The following R3HDM4 variants were observed in gnomAD, a reference collection of about 807,000 sequenced individuals.
The protein encoded by R3HDM4 is R3H domain containing 4, also known as R3H domain-containing protein 4.
In R3HDM4, 30 loss-of-function variants were observed where a neutral mutation model predicts 31.3. The ratio of observed to expected loss-of-function variants is 0.96; its 90% CI spans 0.72 to 1.30. The LOEUF (loss-of-function observed/expected upper bound fraction) is 1.30, where lower values mean the gene tolerates loss of function less well. Among genes scored for constraint, R3HDM4 ranks in the 50% most tolerant of loss-of-function variants. The probability of loss-of-function intolerance (pLI) is 0.00; values close to 1 mark genes in which losing one functional copy is unlikely to be tolerated. For missense variants in R3HDM4, 444 were observed against 366.1 expected (o/e 1.21, Z -1.74); for synonymous variants, 196 against 156.6 (o/e 1.25, Z -1.88).
chr19:911,740 C>A (rs1485847213), intron 1 of R3HDM4, among the ~76,000 whole-genome samples: 1 of 152,150 alleles, frequency 6.6e-6, no homozygotes, highest in Non-Finnish European at 1.5e-5. Context: ...CCCCGGGTCC[C>A]TGTGCGGGCC....
Position 913,114 on chromosome 19 carries a change from T to C in R3HDM4, c.44A>G (p.Glu15Gly). 1 of 1,079,444 alleles carries C rather than the reference T, an allele frequency of 9.3e-7. No homozygotes were observed. The highest frequency in any genetic ancestry group is 4.9e-5 in the Admixed American group (1 of 20,486). The allele number at this position is 1,079,444 out of a possible 1,614,324, so 66.9% of individuals were successfully genotyped here. ...ENPECGPEAA[E>G]GTPGGRRLLP... ...CAGCCGCCGCCCGCCCGGGGTGCCC[T>C]CCGCCGCCTCCGGGCCGCACTCGGG... The change falls in exon 1 of 8, where the codon GAG becomes GGG. Residue 15 changes from glutamate to glycine, a missense_variant. By Grantham distance (98) the Glu-to-Gly change is moderately conservative. Coordinates refer to ENST00000361574, the MANE Select transcript of R3HDM4 (RefSeq NM_138774.4). The surrounding 1 kb of genome is among the most constrained non-coding windows in gnomAD (Gnocchi z 5.0).
chr19:902,458 T>C (rs1205915351), intron 1 of R3HDM4: 1 of 200,064 alleles, frequency 5.0e-6, no homozygotes, highest in Admixed American at 5.3e-5. Context: ...AAAAGACTTA[T>C]TTTTTTGTCT....
At position 899,528 on chromosome 19, in the gene R3HDM4, G is replaced by A. The variant is rs1363027956; in HGVS notation, c.648-33C>T. 6 of 1,613,090 alleles carry A rather than the reference G, an allele frequency of 3.7e-6. No individual in the cohort carries two copies. Among genetic ancestry groups the A allele is most frequent in the East Asian group, 2.2e-5 (1 of 44,882 alleles). On this transcript the variant is annotated intron_variant, in intron 6 of 7. Transcript: ENST00000361574. The surrounding 1 kb of genome is among the most constrained non-coding windows in gnomAD (Gnocchi z 6.8). ...GAACGGGCAGTGAGCGCCGTGCAGG[G>A]GCTGCAGCGTGGGGTGTCCGCCCAC...
chr19:900,171 C>A (rs778618754), intron 4 of R3HDM4, 25 bp from the exon 5 acceptor site: 1 of 1,539,356 alleles, frequency 6.5e-7, no homozygotes, highest in Non-Finnish European at 8.8e-7. Context: ...GAACAAGGGG[C>A]AGTCTTGGGG....
chr19:899,743 G>A lies in R3HDM4; in HGVS notation c.562-57C>T. The A allele has an allele frequency of 1.5e-6, 2 of 1,375,912 alleles. No homozygotes were observed. Among genetic ancestry groups the A allele is most frequent in the South Asian group, 1.4e-5 (1 of 70,270 alleles). The allele number at this position is 1,375,912 out of a possible 1,614,324, so 85.2% of individuals were successfully genotyped here. On this transcript the variant is annotated intron_variant, in intron 5 of 7. Transcript: ENST00000361574. The surrounding 1 kb of genome is among the most constrained non-coding windows in gnomAD (Gnocchi z 6.8). The stretch of plus-strand genomic sequence containing the variant: ...GCGGGACCTGTGGGTGGGGGGCCAG[G>A]GAGGTCCAGGGCCCCCAGGAGCCCA...
rs2036751783 is a variant in R3HDM4 at position 897,332 on chromosome 19, G to T, written c.*105C>A. 4.5e-6 allele frequency: 4 copies of T among 883,948 alleles called. No individual in the cohort carries two copies. Among genetic ancestry groups the T allele is most frequent in the African/African-American group, 1.7e-5 (1 of 58,512 alleles). 54.8% of individuals were successfully genotyped at this position (883,948 alleles called of 1,614,324 possible). A position where few individuals can be genotyped will look rare whatever the true frequency, so the allele number is the denominator to read the frequency against. On this transcript the variant is annotated 3_prime_UTR_variant, in exon 8 of 8. Coordinates refer to ENST00000361574, the MANE Select transcript of R3HDM4 (RefSeq NM_138774.4). The stretch of plus-strand genomic sequence containing the variant: ...GAGAGAGACCACCCCAAGCGAAAAA[G>T]GTTTCCGAGGACAAATTCTAAAAAT...
intron 1 of R3HDM4, among the ~76,000 whole-genome samples, chr19:903,193 A>C (rs2036858388): frequency 6.6e-6 from 1 of 151,684 alleles, no homozygotes; most frequent in South Asian, 2.1e-4. Flanking sequence ...CAGAGGAGCC[A>C]GAAAACAGCC....
In R3HDM4 at chr19:899,920, C is replaced by G. The variant is rs1252247046; in HGVS notation, c.561+141G>C. The G allele has an allele frequency of 6.4e-6, 6 of 931,896 alleles. No individual in the cohort carries two copies. In the African/African-American group the frequency reaches 6.6e-5, roughly 10 times the overall value. 57.7% of individuals were successfully genotyped at this position (931,896 alleles called of 1,614,324 possible). ...CCTTCGTTGCCCCCGCCCTCCTACT[C>G]AGGGCCCTGGTGCCGCTGTCTGTAT... is the stretch of plus-strand genomic sequence containing the variant. On this transcript the variant is annotated intron_variant, in intron 5 of 7. Transcript: ENST00000361574. The surrounding 1 kb of genome is among the most constrained non-coding windows in gnomAD (Gnocchi z 6.8).
At chr19:904,603 G>A (rs528737415) in intron 1 of R3HDM4, among the ~76,000 whole-genome samples, 1 of 152,080 alleles carries the variant, frequency 6.6e-6, no homozygotes, top group South Asian at 2.1e-4. Flanking sequence ...GGAAGGTGAG[G>A]AGGAAGGACA....
intron 1 of R3HDM4, among the ~76,000 whole-genome samples, chr19:903,057 C>CA (rs2036856885): frequency 6.6e-6 from 1 of 152,212 alleles, no homozygotes; most frequent in Admixed American, 6.5e-5. Context: ...CGCCCACCCC[C>CA]AACCCCAGTG....
intron 1 of R3HDM4, among the ~76,000 whole-genome samples, chr19:909,145 AGCT>A (rs904458791): frequency 2.6e-5 from 4 of 152,202 alleles, no homozygotes; most frequent in African/African-American, 7.2e-5. Flanking sequence ...CAAGCTGGGG[AGCT>A]GCTGGAGTTT....
intron 1 of R3HDM4, among the ~76,000 whole-genome samples, chr19:908,230 C>G (rs2145300480): frequency 6.6e-6 from 1 of 152,016 alleles, no homozygotes; most frequent in African/African-American, 2.4e-5. Flanking sequence ...AAAAAAACAT[C>G]TGGCCTCTGG....
intron 1 of R3HDM4, among the ~76,000 whole-genome samples, chr19:909,445 G>A (rs2036945530): frequency 6.6e-6 from 1 of 152,096 alleles, no homozygotes; most frequent in Non-Finnish European, 1.5e-5. Context: ...ACTGACGGCT[G>A]AGAGCGGAAA....
Position 913,051 on chromosome 19 carries a change from C to G in R3HDM4, c.71+36G>C, listed in dbSNP as rs1623302. The G allele has an allele frequency of 0.35, 308,144 of 880,182 alleles. 60,508 individuals carry two copies. Among genetic ancestry groups the G allele is most frequent in the East Asian group, 0.52 (5,281 of 10,150 alleles). 54.5% of individuals were successfully genotyped at this position (880,182 alleles called of 1,614,324 possible). ...CTCAGGGGAGGGAGCCCAGCCCGCC[C>G]CCGGCGCCCGCCGCGCCCCGCCCGC... On this transcript the variant is annotated intron_variant, in intron 1 of 7. Transcript: ENST00000361574. This position sits in a 1 kb window ranked among gnomAD's most constrained non-coding sequence, Gnocchi z 5.0.
chr19:907,141 G>A lies in R3HDM4; in HGVS notation c.72-5011C>T, dbSNP rs2036915812. Among the ~76,000 whole-genome samples, 1 of 152,156 alleles carries A rather than the reference G, an allele frequency of 6.6e-6. No homozygotes were observed. Among genetic ancestry groups the A allele is most frequent in the South Asian group, 2.1e-4 (1 of 4,830 alleles). ...TCATTATACAGATTTGTAAACCAAG[G>A]CACAAAGTCACCGCCCAAGCTCCCA... On this transcript the variant is annotated intron_variant, in intron 1 of 7. Transcript: ENST00000361574. This position sits in a 1 kb window ranked among gnomAD's most constrained non-coding sequence, Gnocchi z 4.1.
In R3HDM4 at chr19:902,107, G is replaced by A. The variant is rs781002071; in HGVS notation, c.95C>T (p.Ala32Val). 1 of 1,613,484 alleles carries A rather than the reference G, an allele frequency of 6.2e-7. No homozygotes were observed. Among genetic ancestry groups the A allele is most frequent in the Admixed American group, 1.7e-5 (1 of 60,026 alleles). The stretch of plus-strand genomic sequence containing the variant: ...TCTCTTCACCTGGGAGCTGGCTAGG[G>A]CAGGCAGGCAGCTGGGAAGGGGCCT... The part of the protein sequence containing the change: ...RLLPLPSCLP[A>V]LASSQVKRLS... Residue 32 changes from alanine to valine, a missense_variant, in exon 2 of 8, where the codon GCC (alanine) becomes GTC (valine). Transcript: ENST00000361574.
chr19:913,012 G>GGGGAA lies in R3HDM4; in HGVS notation c.71+74_71+75insTTCCC. The stretch of plus-strand genomic sequence containing the variant: ...AGGGAAGGGAAAGGAGGGGAGGGGA[G>GGGGAA]GCGGGGAGAGGATCTCAGGGGAGGG... On this transcript the variant is annotated intron_variant, in intron 1 of 7. Transcript: ENST00000361574. The surrounding 1 kb of genome is among the most constrained non-coding windows in gnomAD (Gnocchi z 5.0). 1.9e-6 allele frequency: 1 copy of GGGGAA among 523,168 alleles called. No homozygotes were observed. The highest frequency in any genetic ancestry group is 2.5e-6 in the Non-Finnish European group (1 of 398,212). The allele number at this position is 523,168 out of a possible 1,614,324, so 32.4% of individuals were successfully genotyped here. A position where few individuals can be genotyped will look rare whatever the true frequency, so the allele number is the denominator to read the frequency against.
chr19:899,364 C>G lies in R3HDM4; in HGVS notation c.703+76G>C. 6.8e-7 allele frequency: 1 copy of G among 1,477,664 alleles called. No individual in the cohort carries two copies. Among genetic ancestry groups the G allele is most frequent in the Non-Finnish European group, 9.4e-7 (1 of 1,058,850 alleles). 91.5% of individuals were successfully genotyped at this position (1,477,664 alleles called of 1,614,324 possible). A position where few individuals can be genotyped will look rare whatever the true frequency, so the allele number is the denominator to read the frequency against. ...CCCCACCAAGCCCCACTCTGAGGAA[C>G]CAGGCCCCTGGGACCCTGGCCACTT... On this transcript the variant is annotated intron_variant, in intron 7 of 7. Coordinates refer to ENST00000361574, the MANE Select transcript of R3HDM4 (RefSeq NM_138774.4). The surrounding 1 kb of genome is among the most constrained non-coding windows in gnomAD (Gnocchi z 6.8).
rs1482587655 is a variant in R3HDM4, at chr19:900,846, C to G, written c.458G>C (p.Gly153Ala). Residue 153 changes from glycine (G) to alanine (A), a missense_variant, in exon 4 of 8, where the codon GGG becomes GCG. By Grantham distance (60) the Gly-to-Ala change is moderately conservative. Transcript: ENST00000361574. ...SKARRRGPGR[G>A]EDRRREDPAY... ...GCCCGCACCTCTCCTCCGGTCCTCC[C>G]CACGGCCAGGGCCCCTCCTCCGCGC... 1 of 1,545,598 alleles carries G rather than the reference C, an allele frequency of 6.5e-7. No individual in the cohort carries two copies. The highest frequency in any genetic ancestry group is 2.0e-5 in the Admixed American group (1 of 50,522).
Sources: allele counts gnomAD v4.1 joint callset (sites outside exome capture counted in the v4.1 genomes callset), GRCh38; gene constraint gnomAD v4.1.1; non-coding constraint Gnocchi (gnomAD v3.1); transcripts MANE v1.5; gene names NCBI Gene and HGNC (gene_info 2026-07-23, HGNC 2026-07-21).